Variants in GAS2 observed in about 807,000 individuals in gnomAD.
GAS2 encodes the protein growth arrest specific 2, also known as growth arrest-specific protein 2.
Under a neutral mutation model 37.5 loss-of-function variants are expected in GAS2, and 20 were observed. The ratio of observed to expected loss-of-function variants is 0.53; its 90% confidence interval spans 0.37 to 0.77. GAS2 has a LOEUF of 0.77. Among genes scored for constraint, GAS2 ranks in the 30% least tolerant of loss-of-function variants. The pLI is 0.00. For missense variants in GAS2, 336 were observed against 373.4 expected, an observed-to-expected ratio of 0.90 and a Z score of 0.82; for synonymous variants, 144 against 132.2, an observed-to-expected ratio of 1.09 and a Z score of -0.61.
At chr11:22,636,368 G>C (rs1172526423) in intron 1 of GAS2, among the ~76,000 whole-genome samples, 1 of 152,138 alleles carries the variant, frequency 6.6e-6, no homozygotes, top group African/African-American at 2.4e-5. Flanking sequence ...ACGGGCCCTG[G>C]TAAGGATTAA....
intron 1 of GAS2, among the ~76,000 whole-genome samples, chr11:22,669,538 A>G (rs965154869): frequency 5.9e-5 from 9 of 152,186 alleles, no homozygotes; most frequent in Non-Finnish European, 1.2e-4. Flanking sequence ...GGGATAAGAA[A>G]GAGATCTCTA....
At chr11:22,716,724 A>G (rs565462874) in intron 3 of GAS2, among the ~76,000 whole-genome samples, 4 of 152,138 alleles carry the variant, frequency 2.6e-5, no homozygotes, top group Non-Finnish European at 5.9e-5. Flanking sequence ...TTTACTGATG[A>G]TATGATGATA....
intron 7 of GAS2, 122 bp from the exon 8 acceptor site, chr11:22,811,676 A>G: frequency 2.2e-6 from 2 of 900,272 alleles, no homozygotes; most frequent in Non-Finnish European, 3.5e-6. Flanking sequence ...TTTTGCACCA[A>G]GTAGAAAAAC....
chr11:22,637,893 A>C (rs1188542245), intron 1 of GAS2, among the ~76,000 whole-genome samples: 1 of 151,250 alleles, frequency 6.6e-6, no homozygotes, highest in Non-Finnish European at 1.5e-5. Flanking sequence ...AGAATCACAA[A>C]TAAAAATTGG....
At position 22,782,787 on chromosome 11, in the gene GAS2, C is replaced by A. The variant is rs577723501; in HGVS notation, c.723+26834C>A. On this transcript the variant is annotated intron_variant, in intron 7 of 7. Coordinates refer to ENST00000454584, the MANE Select transcript of GAS2 (RefSeq NM_001143830.3). ...TGTTCTTTTTTTTTTTTTTTTTTGG[C>A]CGTATAGTGTCTACGTACCATGGTA... 2.2e-3 allele frequency among the ~76,000 whole-genome samples: 296 copies of A among 133,676 alleles called. 1 individual carries two copies. The highest frequency in any genetic ancestry group is 3.4e-3 in the Non-Finnish European group (220 of 63,892). 87.7% of individuals were successfully genotyped at this position (133,676 alleles called of 152,430 possible).
intron 7 of GAS2, among the ~76,000 whole-genome samples, chr11:22,789,069 AAT>A (rs1855965213): frequency 6.6e-6 from 1 of 151,316 alleles, no homozygotes; most frequent in Non-Finnish European, 1.5e-5. Context: ...AAAGTAGATC[AAT>A]GTAGTGGGAA....
intron 1 of GAS2, among the ~76,000 whole-genome samples, chr11:22,640,399 T>G (rs1312894186): frequency 6.6e-6 from 1 of 152,214 alleles, no homozygotes. Context: ...TGTTTAACAT[T>G]TTATTGCCTT....
intron 3 of GAS2, among the ~76,000 whole-genome samples, chr11:22,709,348 C>T (rs1165398443): frequency 1.3e-5 from 2 of 151,996 alleles, no homozygotes; most frequent in Non-Finnish European, 2.9e-5. Context: ...TAATAGTCAA[C>T]TCTCCTCAGG....
At chr11:22,700,257 A>T (rs1438286472) in intron 3 of GAS2, among the ~76,000 whole-genome samples, 1 of 152,198 alleles carries the variant, frequency 6.6e-6, no homozygotes, top group African/African-American at 2.4e-5. Context: ...GAATAAATAA[A>T]TGCCCCAAGA....
At chr11:22,655,155 T>A (rs1236994182) in intron 1 of GAS2, among the ~76,000 whole-genome samples, 1 of 152,198 alleles carries the variant, frequency 6.6e-6, no homozygotes, top group African/African-American at 2.4e-5. Flanking sequence ...TTTTCAGGCC[T>A]CTGGGCTAGG....
At chr11:22,737,789 T>C in intron 5 of GAS2, 21 bp downstream of exon 5, 3 of 1,609,248 alleles carry the variant, frequency 1.9e-6, no homozygotes, top group South Asian at 2.2e-5. Context: ...CCACTGCAAC[T>C]ATGTCAAGAC....
intron 1 of GAS2, 66 bp downstream of exon 1, chr11:22,666,965 G>T (rs1849002826): frequency 1.3e-5 from 2 of 152,422 alleles, no homozygotes; most frequent in African/African-American, 4.8e-5. Flanking sequence ...CCGCAGCCGG[G>T]GCTCACGGGA....
chr11:22,793,017 T>C (rs1352079813), intron 7 of GAS2, among the ~76,000 whole-genome samples: 1 of 152,204 alleles, frequency 6.6e-6, no homozygotes, highest in East Asian at 1.9e-4. Flanking sequence ...GCTCAGCCTG[T>C]AATCCCAGCA....
At chr11:22,630,440 A>G (rs899556628) in intron 1 of GAS2, among the ~76,000 whole-genome samples, 3 of 152,234 alleles carry the variant, frequency 2.0e-5, no homozygotes, top group Non-Finnish European at 4.4e-5. Flanking sequence ...AAAAGCCAAA[A>G]TTGACAAATG....
At chr11:22,797,754 G>T (rs566414113) in intron 7 of GAS2, among the ~76,000 whole-genome samples, 1 of 152,206 alleles carries the variant, frequency 6.6e-6, no homozygotes, top group African/African-American at 2.4e-5. Context: ...GAGCTCAAGG[G>T]CTAAGCACGC....
intron 3 of GAS2, among the ~76,000 whole-genome samples, chr11:22,712,890 A>G (rs1355460675): frequency 6.6e-6 from 1 of 152,026 alleles, no homozygotes; most frequent in Non-Finnish European, 1.5e-5. Flanking sequence ...CAGACTGGCC[A>G]ACATGATGAA....
At chr11:22,703,070 A>T (rs1850928704) in intron 3 of GAS2, among the ~76,000 whole-genome samples, 1 of 152,176 alleles carries the variant, frequency 6.6e-6, no homozygotes. Flanking sequence ...TAAAAAGAAG[A>T]AGAGCAAATT....
At chr11:22,699,588 A>T (rs1850723649) in intron 3 of GAS2, among the ~76,000 whole-genome samples, 1 of 152,170 alleles carries the variant, frequency 6.6e-6, no homozygotes, top group African/African-American at 2.4e-5. Context: ...ATAATTTCAG[A>T]CATTTTTAGA....
intron 1 of GAS2, among the ~76,000 whole-genome samples, chr11:22,653,637 A>T (rs1241900217): frequency 6.6e-6 from 1 of 152,248 alleles, no homozygotes; most frequent in Admixed American, 6.5e-5. Flanking sequence ...CTAGTGATAT[A>T]ATAATGAATA....
Sources: gnomAD v4.1 joint callset for allele counts (sites outside exome capture counted in the v4.1 genomes callset) on GRCh38, gnomAD v4.1.1 for gene constraint, MANE v1.5 for transcripts, NCBI Gene and HGNC (gene_info 2026-07-23, HGNC 2026-07-21) for gene names.